SULF2: variants seen among roughly 807,000 people sequenced by gnomAD.
SULF2 encodes extracellular sulfatase Sulf-2.
A neutral mutation model predicts 107.7 loss-of-function variants in SULF2; 52 were observed. The ratio of observed to expected loss-of-function variants is 0.48; its 90% CI spans 0.39 to 0.61. SULF2 has a LOEUF of 0.61. SULF2 is among the 20% of genes least tolerant of loss of function. The pLI is 0.00. For synonymous variants in SULF2, 460 were observed against 464.3 expected, an observed-to-expected ratio of 0.99 and a Z score of 0.12; for missense variants, 993 against 1,177.3, an observed-to-expected ratio of 0.84 and a Z score of 2.29.
At chr20:47,682,757 T>C (rs532031710) in intron 7 of SULF2, among the ~76,000 whole-genome samples, 1 of 152,270 alleles carries the variant, frequency 6.6e-6, no homozygotes, top group South Asian at 2.1e-4. Flanking sequence ...CCCAGCTCCC[T>C]GGATTTCCTG....
chr20:47,701,235 T>G (rs1262128157), intron 4 of SULF2, among the ~76,000 whole-genome samples: 1 of 152,210 alleles, frequency 6.6e-6, no homozygotes, highest in African/African-American at 2.4e-5. Context: ...TAATCCACGC[T>G]GTCAGAAGTC....
At chr20:47,677,186 C>T (rs1185554935) in intron 8 of SULF2, 52 bp from the exon 9 acceptor site, 2 of 1,594,174 alleles carry the variant, frequency 1.3e-6, no homozygotes, top group Non-Finnish European at 1.7e-6. Flanking sequence ...CTTCCCACGA[C>T]CCCCCGTTCC....
intron 3 of SULF2, among the ~76,000 whole-genome samples, chr20:47,735,770 A>G (rs934232505): frequency 6.6e-5 from 10 of 152,166 alleles, no homozygotes; most frequent in African/African-American, 2.4e-4. Context: ...CCCACACCAA[A>G]GCATCCCTGC....
chr20:47,756,921 C>A (rs959517008), intron 2 of SULF2, among the ~76,000 whole-genome samples: 10 of 152,206 alleles, frequency 6.6e-5, no homozygotes, highest in African/African-American at 2.2e-4. Flanking sequence ...GCTGGGATTA[C>A]AAGCATGAGC....
chr20:47,760,048 A>T (rs62200250), intron 1 of SULF2, among the ~76,000 whole-genome samples: 37,737 of 152,140 alleles, frequency 0.25, 4,866 homozygotes, highest in Admixed American at 0.3. Context: ...GGGAAGCTGG[A>T]CTTGGCAGGG....
At chr20:47,728,714 C>T (rs921450917) in intron 3 of SULF2, among the ~76,000 whole-genome samples, 5 of 150,522 alleles carry the variant, frequency 3.3e-5, no homozygotes, top group African/African-American at 7.4e-5. Flanking sequence ...GGTGTGATCT[C>T]GGCTCACTGC....
intron 3 of SULF2, among the ~76,000 whole-genome samples, chr20:47,716,024 G>A (rs750415000): frequency 3.9e-5 from 6 of 152,188 alleles, no homozygotes; most frequent in Admixed American, 6.5e-5. Context: ...CACGGGACAT[G>A]ACTTCCATTT....
chr20:47,745,828 C>A (rs1414852929), intron 2 of SULF2, among the ~76,000 whole-genome samples: 2 of 152,104 alleles, frequency 1.3e-5, no homozygotes, highest in Non-Finnish European at 2.9e-5. Flanking sequence ...CTGTGCCCGG[C>A]CACATGTCAG....
chr20:47,659,427 C>A lies in SULF2; in HGVS notation c.2554G>T (p.Glu852Ter), dbSNP rs1220031596. 1 of 1,614,150 alleles carries A rather than the reference C, an allele frequency of 6.2e-7. No individual in the cohort carries two copies. Among genetic ancestry groups the A allele is most frequent in the Admixed American group, 1.7e-5 (1 of 60,020 alleles). The change falls in exon 20 of 21, where the codon GAA becomes TAA. Residue 852 changes from glutamate to a stop codon, truncating the protein, a stop_gained. Transcript: ENST00000688720. LOFTEE classifies it high-confidence loss of function. ...GATTTGGAAGAAGGTCTCTTCATTT[C>A]TGGCCACTTTCGACGCTGAAACTGC... Reference protein sequence around the residue: ...YRQFQRRKWPEMKRPSSKSLG... With the variant: ...YRQFQRRKWP
intron 17 of SULF2, 37 bp from the exon 18 acceptor site, chr20:47,661,933 T>G (rs1235237891): frequency 6.7e-7 from 1 of 1,490,982 alleles, no homozygotes; most frequent in South Asian, 1.4e-5. Context: ...ACAAGGTAAG[T>G]ACAGGGACTC....
chr20:47,737,585 C>T (rs1013583112), intron 2 of SULF2, among the ~76,000 whole-genome samples: 1 of 151,862 alleles, frequency 6.6e-6, no homozygotes, highest in African/African-American at 2.4e-5. Context: ...GAACCCACCA[C>T]CCCTCACCCC....
chr20:47,665,657 C>A (rs2087239896), intron 13 of SULF2, among the ~76,000 whole-genome samples, 200 bp downstream of exon 13: 1 of 152,214 alleles, frequency 6.6e-6, no homozygotes, highest in South Asian at 2.1e-4. Flanking sequence ...AGCCATCGTC[C>A]CTCAGACGGC....
intron 3 of SULF2, among the ~76,000 whole-genome samples, chr20:47,717,352 T>C (rs1371099518): frequency 6.6e-6 from 1 of 152,146 alleles, no homozygotes; most frequent in Non-Finnish European, 1.5e-5. Context: ...GTGTCAGAGC[T>C]GAAATGAGGC....
intron 4 of SULF2, among the ~76,000 whole-genome samples, chr20:47,697,199 C>T (rs1218330659): frequency 6.6e-6 from 1 of 152,190 alleles, no homozygotes; most frequent in East Asian, 1.9e-4. Context: ...CAACTGTCTT[C>T]CCCTCTCCAA....
At chr20:47,701,621 C>T (rs1011155685) in intron 4 of SULF2, among the ~76,000 whole-genome samples, 1 of 152,194 alleles carries the variant, frequency 6.6e-6, no homozygotes, top group Non-Finnish European at 1.5e-5. Flanking sequence ...GAGCTAGGTT[C>T]TAGACAGTGC....
intron 3 of SULF2, among the ~76,000 whole-genome samples, chr20:47,720,932 C>A (rs2089278316): frequency 6.6e-6 from 1 of 152,160 alleles, no homozygotes. Context: ...TCTAGAACAG[C>A]ATAAATATTA....
At chr20:47,754,168 G>T (rs997081771) in intron 2 of SULF2, among the ~76,000 whole-genome samples, 1 of 152,100 alleles carries the variant, frequency 6.6e-6, no homozygotes, top group Admixed American at 6.5e-5. Context: ...CAAGCCCCTC[G>T]TCTTGTGTAT....
intron 1 of SULF2, among the ~76,000 whole-genome samples, chr20:47,762,303 C>T (rs73136833): frequency 7.2e-5 from 11 of 152,278 alleles, no homozygotes; most frequent in Non-Finnish European, 1.2e-4. Context: ...GGGAGAATTC[C>T]GATGGGGTGC....
Position 47,663,603 on chromosome 20 carries a change from C to T in SULF2, c.2077G>A (p.Asp693Asn). 6.3e-7 allele frequency: 1 copy of T among 1,597,802 alleles called. No homozygotes were observed. Among genetic ancestry groups the T allele is most frequent in the Non-Finnish European group, 8.5e-7 (1 of 1,171,542 alleles). The change falls in exon 16 of 21, where the codon GAC becomes AAC. Residue 693 changes from aspartate (D) to asparagine (N), a missense_variant. Coordinates refer to ENST00000688720, the MANE Select transcript of SULF2 (RefSeq NM_001387048.1). ...TGCTCCCGCAACAGCCACACCTTGTCCTTCTCTTGCAGGCCCTTCCTATGG... is the reference window on the plus strand; with the variant it reads ...TGCTCCCGCAACAGCCACACCTTGTTCTTCTCTTGCAGGCCCTTCCTATGG... ...HPFRKGLQEK[D>N]KVWLLREQKR...
Sources: gnomAD v4.1 joint callset for allele counts (sites outside exome capture counted in the v4.1 genomes callset) on GRCh38, gnomAD v4.1.1 for gene constraint, MANE v1.5 for transcripts, NCBI Gene and HGNC (gene_info 2026-07-23, HGNC 2026-07-21) for gene names.